Variants in SCN8A observed in about 807,000 individuals in gnomAD.
SCN8A encodes sodium voltage-gated channel alpha subunit 8, also known as sodium channel protein type 8 subunit alpha.
SCN8A carries 30 observed loss-of-function variants against 184.1 expected under a neutral mutation model. The observed-to-expected ratio is 0.16, with a 90% CI of 0.12 to 0.22. The LOEUF (loss-of-function observed/expected upper bound fraction) is 0.22, where lower values mean the gene tolerates loss of function less well. Among genes scored for constraint, SCN8A ranks in the 10% least tolerant of loss-of-function variants. SCN8A has a pLI of 1.00. For missense variants in SCN8A, 1,057 were observed against 2,498.9 expected (o/e 0.42, Z 12.30); for synonymous variants, 852 against 907.0 (o/e 0.94, Z 1.09).
intron 1 of SCN8A, among the ~76,000 whole-genome samples, chr12:51,603,641 C>T: frequency 6.6e-6 from 1 of 152,190 alleles, no homozygotes; most frequent in Non-Finnish European, 1.5e-5. Context: ...TACCATTTCG[C>T]ATTCCCAACA....
intron 26 of SCN8A, among the ~76,000 whole-genome samples, chr12:51,805,731 C>CA (rs1488925304): frequency 6.6e-6 from 1 of 151,876 alleles, no homozygotes; most frequent in African/African-American, 2.4e-5. Flanking sequence ...CATCTCAAAA[C>CA]AAAAAACAAC....
chr12:51,703,233 G>GTTTTT (rs1254851381), intron 9 of SCN8A, among the ~76,000 whole-genome samples: 6 of 86,348 alleles, frequency 6.9e-5, no homozygotes, highest in African/African-American at 1.6e-4. Context: ...GTTAGGGTTT[G>GTTTTT]TTTTTTTTGT....
At chr12:51,667,900 A>G (rs1941063466) in intron 2 of SCN8A, among the ~76,000 whole-genome samples, 1 of 152,166 alleles carries the variant, frequency 6.6e-6, no homozygotes, top group African/African-American at 2.4e-5. Context: ...AAAATTATAT[A>G]TGGCCGGGCG....
rs1057523246 is a variant in SCN8A, at chr12:51,769,053, G to A, written c.3090G>A (p.Glu1030=). ...QAHFKQREAD[E]VKPLDELYEK... ...ACTTTAAGCAGCGTGAGGCTGATGA[G>A]GTGAAGCCTCTGGATGAGTTGTATG... The change falls in exon 17 of 27, where the codon GAG becomes GAA. Residue 1030 remains glutamate, a synonymous_variant. Transcript: ENST00000627620. 11 of 1,613,906 alleles carry A rather than the reference G, an allele frequency of 6.8e-6. No homozygotes were observed. In the African/African-American group the frequency reaches 1.3e-4, roughly 20 times the overall value.
At chr12:51,710,378 C>A (rs774968997) in intron 11 of SCN8A, among the ~76,000 whole-genome samples, 1 of 152,132 alleles carries the variant, frequency 6.6e-6, no homozygotes, top group Admixed American at 6.5e-5. Flanking sequence ...TCTAAAATGT[C>A]CTGTTGGCCA....
intron 11 of SCN8A, chr12:51,712,563 T>A (rs1039588850): frequency 6.4e-6 from 5 of 777,542 alleles, no homozygotes; most frequent in Non-Finnish European, 1.2e-5. Flanking sequence ...CCCCCTTTCA[T>A]GGGTCCATAA....
At chr12:51,606,582 G>C (rs935614613) in intron 1 of SCN8A, among the ~76,000 whole-genome samples, 2 of 152,050 alleles carry the variant, frequency 1.3e-5, no homozygotes, top group African/African-American at 4.8e-5. Context: ...CTCTTTTTTG[G>C]TTCCATATGA....
chr12:51,691,901 T>C (rs1051315751), intron 6 of SCN8A, among the ~76,000 whole-genome samples: 2 of 152,196 alleles, frequency 1.3e-5, no homozygotes, highest in African/African-American at 4.8e-5. Context: ...CATAGAGGGC[T>C]GTTGTGCTAT....
intron 6 of SCN8A, among the ~76,000 whole-genome samples, chr12:51,691,782 G>A (rs1192689014): frequency 5.9e-5 from 9 of 152,140 alleles, no homozygotes; most frequent in Admixed American, 5.2e-4. Flanking sequence ...TTTTGCTCCC[G>A]ATTCTATGTT....
chr12:51,769,809 G>A lies in SCN8A; in HGVS notation c.3373-59G>A, dbSNP rs1019839944. On this transcript the variant is annotated intron_variant, in intron 17 of 26. Coordinates refer to ENST00000627620, the MANE Select transcript of SCN8A (RefSeq NM_001330260.2). Reference sequence around the variant, plus strand: ...ATCCCCACCAGAGGCAGAGTTCTCAGTGTGGAGTGGGCATGTTGCCTCAGA... The same window carrying A: ...ATCCCCACCAGAGGCAGAGTTCTCAATGTGGAGTGGGCATGTTGCCTCAGA... 19 of 1,076,398 alleles carry A rather than the reference G, an allele frequency of 1.8e-5. No homozygotes were observed. The Admixed American group carries it at 3.6e-4, about 20-fold the overall frequency. The allele number at this position is 1,076,398 out of a possible 1,614,324, so 66.7% of individuals were successfully genotyped here.
chr12:51,650,731 C>G (rs1940693305), intron 1 of SCN8A, among the ~76,000 whole-genome samples: 1 of 152,098 alleles, frequency 6.6e-6, no homozygotes, highest in African/African-American at 2.4e-5. Context: ...GAACACCTGG[C>G]CCACCCCACA....
intron 25 of SCN8A, among the ~76,000 whole-genome samples, chr12:51,790,729 C>G (rs1938226443): frequency 6.6e-6 from 1 of 152,140 alleles, no homozygotes. Flanking sequence ...CCTTGGGCAG[C>G]CACCAAGAAT....
At chr12:51,763,151 G>A (rs759900099) in intron 15 of SCN8A, among the ~76,000 whole-genome samples, 23 of 152,016 alleles carry the variant, frequency 1.5e-4, no homozygotes, top group African/African-American at 5.3e-4. Context: ...AATAAAATAA[G>A]GTTTTTAAAT....
rs1269981442 is a variant in SCN8A at position 51,634,653 on chromosome 12, A to ATTTTT, written c.-54-28109_-54-28108insTTTTT. ...AATACGTATTATTATTATTATTATT[A>ATTTTT]TTATTTTTTTTTTTTGAGACTGAGT... On this transcript the variant is annotated intron_variant, in intron 1 of 26. Coordinates refer to ENST00000627620, the MANE Select transcript of SCN8A (RefSeq NM_001330260.2). Among the ~76,000 whole-genome samples, 156 of 62,462 alleles carry ATTTTT rather than the reference A, an allele frequency of 2.5e-3. 1 individual carries two copies. The highest frequency in any genetic ancestry group is 7.4e-3 in the African/African-American group (153 of 20,684). 41.0% of individuals were successfully genotyped at this position (62,462 alleles called of 152,430 possible). A position where few individuals can be genotyped will look rare whatever the true frequency, so the allele number is the denominator to read the frequency against.
At chr12:51,682,478 GTATT>G (rs1347932420) in intron 2 of SCN8A, among the ~76,000 whole-genome samples, 2 of 152,128 alleles carry the variant, frequency 1.3e-5, no homozygotes, top group Non-Finnish European at 2.9e-5. Context: ...GTACAGAAGA[GTATT>G]TATGGAACAA....
chr12:51,706,296 A>G, intron 10 of SCN8A, 126 bp from the exon 11 acceptor site: 1 of 863,870 alleles, frequency 1.2e-6, no homozygotes, highest in Non-Finnish European at 1.7e-6. Context: ...CTAACAGTCT[A>G]GGTTTCCTGC....
chr12:51,598,049 A>G (rs948905017), intron 1 of SCN8A, among the ~76,000 whole-genome samples: 5 of 152,182 alleles, frequency 3.3e-5, no homozygotes, highest in African/African-American at 7.2e-5. Flanking sequence ...AGATTTCTCA[A>G]TTGGATTTCC....
intron 12 of SCN8A, among the ~76,000 whole-genome samples, chr12:51,737,685 C>T (rs1011064715): frequency 6.6e-6 from 1 of 152,100 alleles, no homozygotes; most frequent in African/African-American, 2.4e-5. Context: ...ATAATTAAAC[C>T]AGCACGAGAA....
intron 19 of SCN8A, among the ~76,000 whole-genome samples, chr12:51,770,938 A>G (rs1942916787): frequency 6.6e-6 from 1 of 152,190 alleles, no homozygotes. Context: ...CATCCTTAGC[A>G]GCCCCTAAAA....
Sources: allele counts gnomAD v4.1 joint callset (sites outside exome capture counted in the v4.1 genomes callset), GRCh38; gene constraint gnomAD v4.1.1; transcripts MANE v1.5; gene names NCBI Gene and HGNC (gene_info 2026-07-23, HGNC 2026-07-21).